Variants in IQCH observed in about 807,000 individuals in gnomAD.
IQCH encodes IQ domain-containing protein H.
A neutral mutation model predicts 117.0 loss-of-function variants in IQCH; 98 were observed. The observed-to-expected ratio is 0.84, with a 90% CI of 0.71 to 0.99. IQCH has a LOEUF of 0.99. Ranked by LOEUF, IQCH falls within the 50% of genes least tolerant of loss-of-function variation. IQCH has a pLI of 0.00. For missense variants in IQCH, 1,102 were observed against 1,243.8 expected (o/e 0.89, Z 1.72); for synonymous variants, 412 against 448.2 (o/e 0.92, Z 1.02).
At position 67,422,624 on chromosome 15, in the gene IQCH, T is replaced by G. The variant is rs951965035; in HGVS notation, c.2505+1047T>G. Among the ~76,000 whole-genome samples, 13 of 152,242 alleles carry G rather than the reference T, an allele frequency of 8.5e-5. No homozygotes were observed. Among genetic ancestry groups the G allele is most frequent in the South Asian group, 2.1e-4 (1 of 4,834 alleles). ...TTTATTTTGCATGTTTTTAAGAATT[T>G]TGTAGATCATAACATTCTATCTATT... On this transcript the variant is annotated intron_variant, in intron 16 of 20. Coordinates refer to ENST00000335894, the MANE Select transcript of IQCH (RefSeq NM_001031715.3). This position sits in a 1 kb window ranked among gnomAD's most constrained non-coding sequence, Gnocchi z 4.7.
At chr15:67,303,734 A>G (rs1356208280) in intron 4 of IQCH, among the ~76,000 whole-genome samples, 1 of 152,192 alleles carries the variant, frequency 6.6e-6, no homozygotes, top group African/African-American at 2.4e-5. Flanking sequence ...TGGTTTATCA[A>G]GCATGTCAAC....
intron 7 of IQCH, among the ~76,000 whole-genome samples, chr15:67,358,207 C>CTCTTTTTTTTTTTTTTTTTT (rs768931234): frequency 3.8e-4 from 4 of 10,450 alleles, no homozygotes; most frequent in Non-Finnish European, 6.9e-4. Flanking sequence ...ACTTTCTTTT[C>CTCTTTTTTTTTTTTTTTTTT]TTTTTTTTTT....
chr15:67,373,320 T>A (rs1192985120), intron 9 of IQCH, 47 bp from the exon 10 acceptor site: 1 of 1,279,872 alleles, frequency 7.8e-7, no homozygotes, highest in South Asian at 1.2e-5. Context: ...ACTAGATGAA[T>A]CCACTACAGC....
At position 67,401,031 on chromosome 15, in the gene IQCH, A is replaced by C. The variant is rs971694772; in HGVS notation, c.2097+726A>C. Among the ~76,000 whole-genome samples the C allele has an allele frequency of 4.6e-5, 7 of 152,214 alleles. No homozygotes were observed. ...ATTGTTGTCACCTGGAAGCTAATGT[A>C]TAATAGCATTCTGTCAGCAGTCATG... On this transcript the variant is annotated intron_variant, in intron 14 of 20. Transcript: ENST00000335894. The surrounding 1 kb of genome is among the most constrained non-coding windows in gnomAD (Gnocchi z 4.7).
intron 4 of IQCH, among the ~76,000 whole-genome samples, chr15:67,304,852 G>C (rs1359678065): frequency 6.6e-6 from 1 of 152,062 alleles, no homozygotes; most frequent in Non-Finnish European, 1.5e-5. Context: ...TGTGTATACT[G>C]TCATAATATG....
In IQCH at chr15:67,366,629, C is replaced by T. The variant is rs1332589238; in HGVS notation, c.754-5482C>T. Among the ~76,000 whole-genome samples, 1 of 152,196 alleles carries T rather than the reference C, an allele frequency of 6.6e-6. No homozygotes were observed. The highest frequency in any genetic ancestry group is 2.4e-5 in the African/African-American group (1 of 41,460). ...AAGTCTCTTCTTTTATATATCTCTGCTCGATGAGTTCTGTTTTTGCCTTTT... is the reference window on the plus strand; with the variant it reads ...AAGTCTCTTCTTTTATATATCTCTGTTCGATGAGTTCTGTTTTTGCCTTTT... On this transcript the variant is annotated intron_variant, in intron 8 of 20. Coordinates refer to ENST00000335894, the MANE Select transcript of IQCH (RefSeq NM_001031715.3). This position sits in a 1 kb window ranked among gnomAD's most constrained non-coding sequence, Gnocchi z 4.4.
chr15:67,279,417 C>G lies in IQCH; in HGVS notation c.292C>G (p.Gln98Glu). The G allele has an allele frequency of 6.3e-7, 1 of 1,597,288 alleles. No individual in the cohort carries two copies. Among genetic ancestry groups the G allele is most frequent in the Non-Finnish European group, 8.6e-7 (1 of 1,166,802 alleles). Residue 98 changes from glutamine (Q) to glutamate (E), a missense_variant, in exon 4 of 21, where the codon CAG becomes GAG. Coordinates refer to ENST00000335894, the MANE Select transcript of IQCH (RefSeq NM_001031715.3). ...SKWLLPTVIDQKSFIFPQESE... is the reference protein window; with the variant it reads ...SKWLLPTVIDEKSFIFPQESE... ...TAGGTTACTTCCAACTGTAATTGAT[C>G]AGAAATCATTTATTTTCCCTCAGGA...
At chr15:67,412,621 ACTC>A (rs1481793070) in intron 14 of IQCH, among the ~76,000 whole-genome samples, 3 of 151,596 alleles carry the variant, frequency 2.0e-5, no homozygotes, top group Non-Finnish European at 4.4e-5. Flanking sequence ...CTGGTCATGA[ACTC>A]CTGACCTCAA....
chr15:67,497,781 C>T (rs1230847112), intron 20 of IQCH, among the ~76,000 whole-genome samples: 4 of 152,110 alleles, frequency 2.6e-5, no homozygotes, highest in Non-Finnish European at 4.4e-5. Context: ...TGAACCACCG[C>T]GCCTGGCCAG....
chr15:67,255,139 T>A (rs1357094049), intron 1 of IQCH, 192 bp downstream of exon 1: 1 of 622,122 alleles, frequency 1.6e-6, no homozygotes, highest in Non-Finnish European at 2.9e-6. Flanking sequence ...TGACTTACCC[T>A]GTAGGTTACG....
chr15:67,465,004 A>G lies in IQCH; in HGVS notation c.2506-123A>G. On this transcript the variant is annotated intron_variant, in intron 16 of 20. Coordinates refer to ENST00000335894, the MANE Select transcript of IQCH (RefSeq NM_001031715.3). The surrounding 1 kb of genome is among the most constrained non-coding windows in gnomAD (Gnocchi z 5.9). ...AAACAGAAGGAAAAACATCTACTCC[A>G]TTAAGACACATGGTCACTGGTTTCA... is the stretch of plus-strand genomic sequence containing the variant. 1.2e-6 allele frequency: 1 copy of G among 829,086 alleles called. No individual in the cohort carries two copies. The highest frequency in any genetic ancestry group is 1.7e-5 in the South Asian group (1 of 59,068). The allele number at this position is 829,086 out of a possible 1,614,324, so 51.4% of individuals were successfully genotyped here.
chr15:67,273,046 C>T (rs920475274), intron 3 of IQCH, among the ~76,000 whole-genome samples: 7 of 151,770 alleles, frequency 4.6e-5, no homozygotes, highest in Admixed American at 4.6e-4. Context: ...TGTTTTAATT[C>T]ATTGCTTTTT....
rs567644219 is a variant in IQCH at position 67,493,822 on chromosome 15, C to T, written c.2862-436C>T. Among the ~76,000 whole-genome samples, 6 of 152,290 alleles carry T rather than the reference C, an allele frequency of 3.9e-5. No homozygotes were observed. The highest frequency in any genetic ancestry group is 3.9e-4 in the East Asian group (2 of 5,186). ...ATTCCTCTCCCCTCCCCTCACCCCACGACAGGCCCCGGTGTGTGATGTTCC... is the reference window on the plus strand; with the variant it reads ...ATTCCTCTCCCCTCCCCTCACCCCATGACAGGCCCCGGTGTGTGATGTTCC... On this transcript the variant is annotated intron_variant, in intron 19 of 20. Coordinates refer to ENST00000335894, the MANE Select transcript of IQCH (RefSeq NM_001031715.3). This position sits in a 1 kb window ranked among gnomAD's most constrained non-coding sequence, Gnocchi z 5.1.
At chr15:67,483,799 G>A (rs971867963) in intron 18 of IQCH, among the ~76,000 whole-genome samples, 1 of 152,156 alleles carries the variant, frequency 6.6e-6, no homozygotes, top group Non-Finnish European at 1.5e-5. Flanking sequence ...AAAAATTTGT[G>A]TGTGGATGCC....
At chr15:67,311,223 T>TA (rs1396837989) in intron 4 of IQCH, among the ~76,000 whole-genome samples, 1 of 152,120 alleles carries the variant, frequency 6.6e-6, no homozygotes, top group Admixed American at 6.6e-5. Context: ...TTAAGGAATG[T>TA]AAGCAGTTGG....
In IQCH at chr15:67,494,743, A is replaced by G. The variant is rs899911823; in HGVS notation, c.2970+377A>G. Among the ~76,000 whole-genome samples, 10 of 152,216 alleles carry G rather than the reference A, an allele frequency of 6.6e-5. No homozygotes were observed. Among genetic ancestry groups the G allele is most frequent in the African/African-American group, 2.4e-4 (10 of 41,460 alleles). On this transcript the variant is annotated intron_variant, in intron 20 of 20. Transcript: ENST00000335894. The surrounding 1 kb of genome is among the most constrained non-coding windows in gnomAD (Gnocchi z 5.5). ...CAGATAATACAAGGTCTGACTAGTG[A>G]TTCCTGGGAAGCCCTAGTTTCTAGA... is the stretch of plus-strand genomic sequence containing the variant.
intron 16 of IQCH, among the ~76,000 whole-genome samples, chr15:67,464,115 C>T (rs1378851268): frequency 6.6e-6 from 1 of 152,192 alleles, no homozygotes; most frequent in Non-Finnish European, 1.5e-5. Context: ...AGGTATAAGC[C>T]ACCGTGCCCA....
intron 5 of IQCH, among the ~76,000 whole-genome samples, chr15:67,341,671 ACT>A (rs567395584): frequency 1.3e-5 from 2 of 152,128 alleles, no homozygotes; most frequent in East Asian, 3.9e-4. Context: ...TAAAGTTATG[ACT>A]CTTATATAAA....
intron 5 of IQCH, 46 bp from the exon 6 acceptor site, chr15:67,344,017 G>A (rs751642201): frequency 8.3e-5 from 129 of 1,557,518 alleles, no homozygotes; most frequent in Non-Finnish European, 1.1e-4. Flanking sequence ...AGACTTTGTG[G>A]AATTGCTTGG....
Sources: allele counts gnomAD v4.1 joint callset (sites outside exome capture counted in the v4.1 genomes callset), GRCh38; gene constraint gnomAD v4.1.1; non-coding constraint Gnocchi (gnomAD v3.1); transcripts MANE v1.5; gene names NCBI Gene and HGNC (gene_info 2026-07-23, HGNC 2026-07-21).